The following MEIS2 variants were observed in gnomAD, a reference collection of about 807,000 sequenced individuals.
MEIS2 encodes homeobox protein Meis2.
In MEIS2, 9 loss-of-function variants were observed where a neutral mutation model predicts 58.6. The observed-to-expected ratio is 0.15, with a 90% CI of 0.09 to 0.27. The LOEUF (loss-of-function observed/expected upper bound fraction) is 0.27, where lower values mean the gene tolerates loss of function less well. MEIS2 is among the 10% of genes least tolerant of loss of function. The pLI is 1.00. For missense variants in MEIS2, 427 were observed against 635.0 expected (o/e 0.67, Z 3.52); for synonymous variants, 221 against 228.4 (o/e 0.97, Z 0.29).
chr15:37,011,744 T>A (rs1300948113), intron 8 of MEIS2, among the ~76,000 whole-genome samples: 1 of 151,092 alleles, frequency 6.6e-6, no homozygotes, highest in Non-Finnish European at 1.5e-5. Context: ...CTCAGCCTCC[T>A]GAGTAGCTGG....
intron 8 of MEIS2, among the ~76,000 whole-genome samples, chr15:37,027,986 T>C (rs537643231): frequency 6.6e-6 from 1 of 152,320 alleles, no homozygotes; most frequent in East Asian, 1.9e-4. Flanking sequence ...TCACTCTTGG[T>C]GTTGTACATT....
At chr15:36,952,609 G>C (rs837130) in intron 8 of MEIS2, among the ~76,000 whole-genome samples, 14,431 of 36,226 alleles carry the variant, frequency 0.4, 1,467 homozygotes, top group African/African-American at 0.5. Flanking sequence ...CTCTCTCTCT[G>C]TGTGTGTGTG....
Position 37,099,602 on chromosome 15 carries a change from A to T in MEIS2, c.-136T>A. On this transcript the variant is annotated 5_prime_UTR_variant, in exon 1 of 12. Coordinates refer to ENST00000561208, the MANE Select transcript of MEIS2 (RefSeq NM_170675.5). ...ACTTCTCCCAATTCTCCAATATGCTATTTTTTAGGGGGGAAAAAAAGCCCA... is the reference window on the plus strand; with the variant it reads ...ACTTCTCCCAATTCTCCAATATGCTTTTTTTTAGGGGGGAAAAAAAGCCCA... The T allele has an allele frequency of 7.9e-7, 1 of 1,273,488 alleles. No homozygotes were observed. The allele number at this position is 1,273,488 out of a possible 1,614,324, so 78.9% of individuals were successfully genotyped here.
At chr15:37,093,772 G>A (rs761063150) in intron 5 of MEIS2, 42 bp from the exon 6 acceptor site, 2 of 1,601,862 alleles carry the variant, frequency 1.2e-6, no homozygotes, top group African/African-American at 1.3e-5. Context: ...TCATGTTGTT[G>A]TTGTTGTTGT....
chr15:37,012,720 T>G (rs1334808792), intron 8 of MEIS2, among the ~76,000 whole-genome samples: 3 of 152,212 alleles, frequency 2.0e-5, no homozygotes. Flanking sequence ...TGCCCTAATG[T>G]GTACAAATTC....
chr15:36,897,390 T>C (rs1210490077), intron 9 of MEIS2: 2 of 152,210 alleles, frequency 1.3e-5, no homozygotes, highest in African/African-American at 4.8e-5. Flanking sequence ...TGTTTGATAT[T>C]AGAGCTCAAG....
At chr15:36,950,901 G>GT (rs1473733178) in intron 8 of MEIS2, among the ~76,000 whole-genome samples, 1 of 152,036 alleles carries the variant, frequency 6.6e-6, no homozygotes, top group East Asian at 1.9e-4. Flanking sequence ...AACTATTCTT[G>GT]TAAGCCATGG....
At chr15:36,922,449 T>C (rs1409462703) in intron 9 of MEIS2, among the ~76,000 whole-genome samples, 1 of 151,338 alleles carries the variant, frequency 6.6e-6, no homozygotes, top group African/African-American at 2.5e-5. Flanking sequence ...TCATTTTACG[T>C]TTTAACTACT....
At chr15:36,964,487 G>A (rs897075561) in intron 8 of MEIS2, among the ~76,000 whole-genome samples, 1 of 152,138 alleles carries the variant, frequency 6.6e-6, no homozygotes, top group Non-Finnish European at 1.5e-5. Context: ...CTAATGACAA[G>A]GGGAGGGAAA....
chr15:37,036,697 A>C, intron 8 of MEIS2, 117 bp downstream of exon 8: 3 of 1,176,812 alleles, frequency 2.5e-6, no homozygotes, highest in Non-Finnish European at 3.5e-6. Flanking sequence ...GTTAGTCATC[A>C]GATTTCAAGA....
intron 8 of MEIS2, among the ~76,000 whole-genome samples, chr15:36,997,809 A>C (rs916300088): frequency 6.6e-6 from 1 of 152,118 alleles, no homozygotes; most frequent in South Asian, 2.1e-4. Context: ...ACAGGTGCCA[A>C]GGTACAAACG....
rs564436540 is a variant in MEIS2 at position 36,897,095 on chromosome 15, A to G, written c.978-409T>C. 3.9e-5 allele frequency: 7 copies of G among 178,390 alleles called. No individual in the cohort carries two copies. The East Asian group carries it at 1.0e-3, about 26-fold the overall frequency. The allele number at this position is 178,390 out of a possible 1,614,324, so 11.1% of individuals were successfully genotyped here. ...TCATAAATGGAGACCAGGCTCTAGC[A>G]CTCGGCTTTCACAAGGTATTGTTAG... On this transcript the variant is annotated intron_variant, in intron 9 of 11. Coordinates refer to ENST00000561208, the MANE Select transcript of MEIS2 (RefSeq NM_170675.5).
chr15:36,893,163 ACATT>A (rs1197895361), intron 11 of MEIS2, among the ~76,000 whole-genome samples: 1 of 152,256 alleles, frequency 6.6e-6, no homozygotes, highest in Non-Finnish European at 1.5e-5. Flanking sequence ...GAGATATGCA[ACATT>A]CAAAGTTATG....
chr15:37,099,372 C>T, intron 1 of MEIS2, 83 bp downstream of exon 1: 1 of 1,583,082 alleles, frequency 6.3e-7, no homozygotes, highest in Non-Finnish European at 8.6e-7. Flanking sequence ...GCAGCAGAAG[C>T]GTTGAAGGGA....
intron 9 of MEIS2, among the ~76,000 whole-genome samples, chr15:36,903,423 C>T (rs896601541): frequency 9.2e-5 from 14 of 152,150 alleles, no homozygotes; most frequent in Admixed American, 7.9e-4. Flanking sequence ...ATTACCTCAT[C>T]CTGTACATGA....
intron 7 of MEIS2, among the ~76,000 whole-genome samples, chr15:37,076,460 T>C (rs1270031640): frequency 6.6e-6 from 1 of 152,028 alleles, no homozygotes; most frequent in Non-Finnish European, 1.5e-5. Flanking sequence ...AGTTGCCCTA[T>C]AATAGCCTTA....
At chr15:37,099,081 C>T (rs2140104349) in intron 1 of MEIS2, 3 of 990,268 alleles carry the variant, frequency 3.0e-6, no homozygotes, top group Non-Finnish European at 2.4e-6. Context: ...GCCACGGCGG[C>T]AGCGGCGCAG....
intron 9 of MEIS2, among the ~76,000 whole-genome samples, chr15:36,948,604 T>G (rs2058654075): frequency 6.6e-6 from 1 of 151,980 alleles, no homozygotes; most frequent in African/African-American, 2.4e-5. Flanking sequence ...TAAAGCAATG[T>G]TAACTGCGTC....
chr15:36,951,094 A>G (rs1026766043), intron 8 of MEIS2, among the ~76,000 whole-genome samples: 1 of 152,112 alleles, frequency 6.6e-6, no homozygotes, highest in African/African-American at 2.4e-5. Flanking sequence ...TTTACCTTCA[A>G]CTACAACAAT....
Sources: gnomAD v4.1 joint callset for allele counts (sites outside exome capture counted in the v4.1 genomes callset) on GRCh38, gnomAD v4.1.1 for gene constraint, MANE v1.5 for transcripts, NCBI Gene and HGNC (gene_info 2026-07-23, HGNC 2026-07-21) for gene names.